FHIT: variants seen among roughly 807,000 people sequenced by gnomAD.
FHIT encodes the protein bis(5'-adenosyl)-triphosphatase.
A neutral mutation model predicts 17.9 loss-of-function variants in FHIT; 19 were observed. That is an observed-to-expected ratio of 1.06 (90% CI 0.74 to 1.56). The LOEUF is 1.56. FHIT is among the 40% of genes most tolerant of loss of function. FHIT has a pLI of 0.00. For missense variants in FHIT, 248 were observed against 189.2 expected (o/e 1.31, Z -1.82); for synonymous variants, 81 against 69.7 (o/e 1.16, Z -0.81).
intron 5 of FHIT, among the ~76,000 whole-genome samples, chr3:60,401,502 C>G (rs1025550939): frequency 1.3e-5 from 2 of 152,084 alleles, no homozygotes; most frequent in East Asian, 3.9e-4. Context: ...CCTCCACCCC[C>G]ACAACTCCCA....
At chr3:61,026,380 G>A (rs1008333628) in intron 3 of FHIT, among the ~76,000 whole-genome samples, 3 of 152,026 alleles carry the variant, frequency 2.0e-5, no homozygotes, top group South Asian at 2.1e-4. Flanking sequence ...TCTATAGAAC[G>A]ACAATAATAA....
intron 4 of FHIT, among the ~76,000 whole-genome samples, chr3:60,798,196 A>T (rs2106642227): frequency 6.6e-6 from 1 of 152,346 alleles, no homozygotes; most frequent in Middle Eastern, 3.4e-3. Context: ...TCCCTGTATT[A>T]GATCATAACT....
intron 4 of FHIT, among the ~76,000 whole-genome samples, chr3:60,693,184 A>G (rs1162436623): frequency 6.6e-6 from 1 of 152,220 alleles, no homozygotes; most frequent in Admixed American, 6.5e-5. Flanking sequence ...ATTTAATTTC[A>G]TTCATTCTTC....
rs1347359131 is a variant in FHIT, at chr3:59,919,643, T to C, written c.348+2703A>G. On this transcript the variant is annotated intron_variant, in intron 8 of 9. Transcript: ENST00000492590. ...CCTAGCCAATTTATACTCTGGGGCT[T>C]CTTTAGGCATAATTTTCTATGTCTG... Among the ~76,000 whole-genome samples, 3 of 152,206 alleles carry C rather than the reference T, an allele frequency of 2.0e-5. No homozygotes were observed. The East Asian group carries it at 5.8e-4, about 29-fold the overall frequency.
chr3:60,825,870 C>T (rs1553740782), intron 3 of FHIT, among the ~76,000 whole-genome samples: 3 of 151,990 alleles, frequency 2.0e-5, no homozygotes, highest in African/African-American at 7.3e-5. Context: ...AAATACATCC[C>T]AAATTTATGG....
chr3:59,873,802 T>C (rs1420517572), intron 8 of FHIT, among the ~76,000 whole-genome samples: 1 of 152,106 alleles, frequency 6.6e-6, no homozygotes, highest in Non-Finnish European at 1.5e-5. Flanking sequence ...CCTAGGGAAA[T>C]TATTAATAGT....
intron 5 of FHIT, among the ~76,000 whole-genome samples, chr3:60,139,482 T>C (rs1354905127): frequency 6.6e-6 from 1 of 152,162 alleles, no homozygotes; most frequent in Non-Finnish European, 1.5e-5. Context: ...GAAAAGTCTA[T>C]CACCCCAGCT....
intron 5 of FHIT, among the ~76,000 whole-genome samples, chr3:60,051,255 G>A (rs1701865450): frequency 6.6e-6 from 1 of 151,156 alleles, no homozygotes; most frequent in Admixed American, 6.6e-5. Context: ...CGTAATTTGA[G>A]TCCCTACCTA....
At chr3:59,959,189 A>G (rs113806665) in intron 7 of FHIT, among the ~76,000 whole-genome samples, 234 of 152,298 alleles carry the variant, frequency 1.5e-3, no homozygotes, top group African/African-American at 5.1e-3. Flanking sequence ...GTATAGGGAG[A>G]GTGATGACAA....
intron 8 of FHIT, among the ~76,000 whole-genome samples, chr3:59,898,986 A>C (rs1252277763): frequency 6.6e-6 from 1 of 152,182 alleles, no homozygotes; most frequent in East Asian, 1.9e-4. Flanking sequence ...GGGCAAGCTG[A>C]AAACAAACAG....
At chr3:59,916,616 C>T (rs969300847) in intron 8 of FHIT, among the ~76,000 whole-genome samples, 2 of 152,102 alleles carry the variant, frequency 1.3e-5, no homozygotes, top group South Asian at 4.1e-4. Flanking sequence ...TTGTGTCTCT[C>T]TTTTGAGGAA....
At chr3:60,969,954 T>C (rs1163628678) in intron 3 of FHIT, among the ~76,000 whole-genome samples, 1 of 152,162 alleles carries the variant, frequency 6.6e-6, no homozygotes, top group African/African-American at 2.4e-5. Flanking sequence ...AACCTCTGCC[T>C]CCCAGGCTCA....
At chr3:60,494,577 T>A (rs961593599) in intron 5 of FHIT, among the ~76,000 whole-genome samples, 1 of 152,098 alleles carries the variant, frequency 6.6e-6, no homozygotes, top group African/African-American at 2.4e-5. Flanking sequence ...GTTTTCTATT[T>A]TTTTGTACTC....
intron 5 of FHIT, among the ~76,000 whole-genome samples, chr3:60,505,871 C>T (rs971465501): frequency 2.5e-4 from 38 of 152,158 alleles, no homozygotes; most frequent in African/African-American, 9.2e-4. Flanking sequence ...TATCATCATT[C>T]TTCTAATGTT....
At chr3:60,066,024 C>T (rs1365442611) in intron 5 of FHIT, among the ~76,000 whole-genome samples, 5 of 152,122 alleles carry the variant, frequency 3.3e-5, no homozygotes, top group Non-Finnish European at 5.9e-5. Flanking sequence ...AAATACACCC[C>T]TATTTTTTTA....
At chr3:59,899,531 G>T (rs532044739) in intron 8 of FHIT, among the ~76,000 whole-genome samples, 2 of 152,110 alleles carry the variant, frequency 1.3e-5, no homozygotes, top group Non-Finnish European at 2.9e-5. Context: ...TCAATGGAAG[G>T]TTTAAGAATC....
chr3:59,803,550 C>T (rs569975721), intron 8 of FHIT, among the ~76,000 whole-genome samples: 3 of 152,284 alleles, frequency 2.0e-5, no homozygotes, highest in South Asian at 2.1e-4. Context: ...AAACACTTTG[C>T]GTATGAACAA....
At chr3:60,112,816 C>A (rs1310476805) in intron 5 of FHIT, among the ~76,000 whole-genome samples, 2 of 152,156 alleles carry the variant, frequency 1.3e-5, no homozygotes, top group South Asian at 4.1e-4. Context: ...GCTGCCACAG[C>A]CTTTGATATG....
intron 3 of FHIT, among the ~76,000 whole-genome samples, chr3:60,968,495 G>A (rs1709854715): frequency 1.3e-5 from 2 of 149,886 alleles, no homozygotes; most frequent in African/African-American, 4.9e-5. Flanking sequence ...TTGGCTCACT[G>A]CAAGCTCCTG....
Sources: gnomAD v4.1 joint callset for allele counts (sites outside exome capture counted in the v4.1 genomes callset) on GRCh38, gnomAD v4.1.1 for gene constraint, MANE v1.5 for transcripts, NCBI Gene and HGNC (gene_info 2026-07-23, HGNC 2026-07-21) for gene names.